The following LRFN2 variants were observed in gnomAD, a reference collection of about 807,000 sequenced individuals.
LRFN2 encodes leucine rich repeat and fibronectin type III domain containing 2, also known as leucine-rich repeat and fibronectin type-III domain-containing protein 2.
LRFN2 carries 18 observed loss-of-function variants against 37.3 expected under a neutral mutation model. The ratio of observed to expected loss-of-function variants is 0.48; its 90% CI spans 0.33 to 0.72. The LOEUF (loss-of-function observed/expected upper bound fraction) is 0.72, where lower values mean the gene tolerates loss of function less well. LRFN2 is among the 30% of genes least tolerant of loss of function. The pLI, the probability that LRFN2 is intolerant of heterozygous loss-of-function variation, is 0.02. For missense variants in LRFN2, 1,006 were observed against 1,060.7 expected (o/e 0.95, Z 0.72); for synonymous variants, 556 against 466.6 (o/e 1.19, Z -2.47).
intron 2 of LRFN2, among the ~76,000 whole-genome samples, chr6:40,422,176 T>G (rs1230361284): frequency 7.1e-6 from 1 of 141,476 alleles, no homozygotes; most frequent in Non-Finnish European, 1.5e-5. Context: ...AGAGAAAAGA[T>G]TTTTTCTTCC....
At chr6:40,549,164 A>G (rs1193176163) in intron 1 of LRFN2, among the ~76,000 whole-genome samples, 1 of 152,240 alleles carries the variant, frequency 6.6e-6, no homozygotes, top group Non-Finnish European at 1.5e-5. Context: ...GCTCAGAGCC[A>G]TCAATGACAT....
chr6:40,568,673 C>T (rs1476169169), intron 1 of LRFN2, among the ~76,000 whole-genome samples: 1 of 144,862 alleles, frequency 6.9e-6, no homozygotes, highest in East Asian at 2.1e-4. Context: ...GGTTACTAAA[C>T]GTCTCCCCCA....
chr6:40,498,516 A>C (rs961374443), intron 1 of LRFN2, among the ~76,000 whole-genome samples: 1 of 152,174 alleles, frequency 6.6e-6, no homozygotes, highest in Admixed American at 6.5e-5. Context: ...CCATATCTTT[A>C]CAAAAAAAGC....
At chr6:40,514,777 T>TG (rs1765812525) in intron 1 of LRFN2, among the ~76,000 whole-genome samples, 1 of 152,220 alleles carries the variant, frequency 6.6e-6, no homozygotes, top group African/African-American at 2.4e-5. Flanking sequence ...ATATAACCCT[T>TG]CTCATTTCTC....
chr6:40,467,261 C>T (rs1251317550), intron 1 of LRFN2, among the ~76,000 whole-genome samples: 1 of 151,962 alleles, frequency 6.6e-6, no homozygotes, highest in Non-Finnish European at 1.5e-5. Flanking sequence ...ATTAGTCCTC[C>T]TTCCTAGGTC....
At chr6:40,469,353 G>A (rs928207355) in intron 1 of LRFN2, among the ~76,000 whole-genome samples, 36 of 151,646 alleles carry the variant, frequency 2.4e-4, no homozygotes, top group Non-Finnish European at 8.8e-5. Context: ...CAGCCATCCG[G>A]TTTGTGGTCA....
chr6:40,545,621 G>T lies in LRFN2; in HGVS notation c.-19+41320C>A, dbSNP rs376331129. Among the ~76,000 whole-genome samples the T allele has an allele frequency of 5.5e-4, 84 of 152,198 alleles. 1 individual carries two copies. In the East Asian group the frequency reaches 0.013, roughly 24 times the overall value. The stretch of plus-strand genomic sequence containing the variant: ...AAGAGGAAGAGGGGAGGTCAGGAAG[G>T]TTGGGGAGAGATGAAGAGAGAGGGG... On this transcript the variant is annotated intron_variant, in intron 1 of 2. Transcript: ENST00000338305.
At position 40,467,711 on chromosome 6, in the gene LRFN2, G is replaced by A. The variant is rs1186152354; in HGVS notation, c.-18-34580C>T. On this transcript the variant is annotated intron_variant, in intron 1 of 2. Coordinates refer to ENST00000338305, the MANE Select transcript of LRFN2 (RefSeq NM_020737.3). ...TGACAGAGACCTAGCCTCGGCCATGGGAGGTTCTGAGTCTGGCCTCATTAT... is the reference window on the plus strand; with the variant it reads ...TGACAGAGACCTAGCCTCGGCCATGAGAGGTTCTGAGTCTGGCCTCATTAT... Among the ~76,000 whole-genome samples, 4 of 152,284 alleles carry A rather than the reference G, an allele frequency of 2.6e-5. No homozygotes were observed. The East Asian group carries it at 7.7e-4, about 29-fold the overall frequency.
intron 1 of LRFN2, among the ~76,000 whole-genome samples, chr6:40,581,818 A>T (rs191544325): frequency 6.6e-6 from 1 of 152,258 alleles, no homozygotes; most frequent in Admixed American, 6.5e-5. Flanking sequence ...CAAGTCCTGC[A>T]GGCTGAGTGG....
At chr6:40,585,577 C>T (rs1767484507) in intron 1 of LRFN2, among the ~76,000 whole-genome samples, 1 of 152,190 alleles carries the variant, frequency 6.6e-6, no homozygotes, top group Non-Finnish European at 1.5e-5. Context: ...CAGACCAGGG[C>T]ACAACCCCAA....
At chr6:40,425,189 C>T (rs768207462) in intron 2 of LRFN2, among the ~76,000 whole-genome samples, 1 of 152,154 alleles carries the variant, frequency 6.6e-6, no homozygotes, top group African/African-American at 2.4e-5. Context: ...GCAGATAGGG[C>T]GCGACAGGGG....
At chr6:40,443,417 G>A (rs1370861064) in intron 1 of LRFN2, among the ~76,000 whole-genome samples, 1 of 152,182 alleles carries the variant, frequency 6.6e-6, no homozygotes, top group Non-Finnish European at 1.5e-5. Flanking sequence ...TATTTACCAA[G>A]CAGCCACAAA....
chr6:40,533,969 G>C (rs1231036594), intron 1 of LRFN2, among the ~76,000 whole-genome samples: 4 of 152,208 alleles, frequency 2.6e-5, no homozygotes, highest in Non-Finnish European at 5.9e-5. Flanking sequence ...ATTGCTCCAA[G>C]TTCTTCACAT....
At chr6:40,473,675 T>A (rs1157846553) in intron 1 of LRFN2, among the ~76,000 whole-genome samples, 2 of 152,122 alleles carry the variant, frequency 1.3e-5, no homozygotes, top group Non-Finnish European at 2.9e-5. Context: ...TATCAACCCA[T>A]CATCTAGAAT....
chr6:40,392,805 G>T lies in LRFN2; in HGVS notation c.1508C>A (p.Thr503Lys). The T allele has an allele frequency of 6.2e-7, 1 of 1,614,092 alleles. No individual in the cohort carries two copies. Among genetic ancestry groups the T allele is most frequent in the Non-Finnish European group, 8.5e-7 (1 of 1,179,996 alleles). The change falls in exon 3 of 3, where the codon ACG becomes AAG. Residue 503 changes from threonine (T) to lysine (K), a missense_variant. This residue lies in a region of LRFN2 where 120 missense variants were observed against 178.4 expected (regional missense o/e 0.67). Transcript: ENST00000338305. The surrounding 1 kb of genome is among the most constrained non-coding windows in gnomAD (Gnocchi z 4.7). Reference protein sequence around the residue: ...AMWDDTATTLTATNIVGCAQF... With the variant: ...AMWDDTATTLKATNIVGCAQF... ...GGCGCAGCCCACGATGTTGGTGGCC[G>T]TGAGTGTCGTGGCTGTGTCATCCCA...
chr6:40,541,733 G>A (rs1766558926), intron 1 of LRFN2, among the ~76,000 whole-genome samples: 1 of 152,204 alleles, frequency 6.6e-6, no homozygotes, highest in Non-Finnish European at 1.5e-5. Flanking sequence ...TGCCGCCCGT[G>A]GGAATGTTCT....
intron 2 of LRFN2, among the ~76,000 whole-genome samples, chr6:40,424,443 C>G (rs1227538480): frequency 1.3e-5 from 2 of 152,310 alleles, no homozygotes; most frequent in Admixed American, 1.3e-4. Context: ...ATGTAGAAGA[C>G]TACATTTCTT....
In LRFN2 at chr6:40,571,990, C is replaced by G. The variant is rs1353131492; in HGVS notation, c.-19+14951G>C. ...CACAGGGTCTCCAAAACAGGGGGGG[C>G]TCCGAAACAGGTTTCCTGGGAAGAA... On this transcript the variant is annotated intron_variant, in intron 1 of 2. Coordinates refer to ENST00000338305, the MANE Select transcript of LRFN2 (RefSeq NM_020737.3). Among the ~76,000 whole-genome samples, 6 of 152,306 alleles carry G rather than the reference C, an allele frequency of 3.9e-5. No homozygotes were observed. The South Asian group carries it at 8.3e-4, about 21-fold the overall frequency.
intron 1 of LRFN2, among the ~76,000 whole-genome samples, chr6:40,558,849 C>T (rs1199789745): frequency 6.6e-6 from 1 of 152,150 alleles, no homozygotes; most frequent in African/African-American, 2.4e-5. Context: ...GTAACCTACC[C>T]AAGATCACAC....
Sources: gnomAD v4.1 joint callset for allele counts (sites outside exome capture counted in the v4.1 genomes callset) on GRCh38, gnomAD v4.1.1 for gene constraint, gnomAD v4.1.1 regional missense constraint, Gnocchi (gnomAD v3.1) non-coding constraint, MANE v1.5 for transcripts, NCBI Gene and HGNC (gene_info 2026-07-23, HGNC 2026-07-21) for gene names.